SPECC1L: variants seen among roughly 807,000 people sequenced by gnomAD.
SPECC1L encodes the protein cytospin-A.
Under a neutral mutation model 116.8 loss-of-function variants are expected in SPECC1L, and 40 were observed. The ratio of observed to expected loss-of-function variants is 0.34; its 90% CI spans 0.27 to 0.45. The LOEUF (loss-of-function observed/expected upper bound fraction) is 0.45. Among genes scored for constraint, SPECC1L ranks in the 20% least tolerant of loss-of-function variants. The pLI is 1.00. For synonymous variants in SPECC1L, 504 were observed against 500.6 expected (o/e 1.01, Z -0.09); for missense variants, 1,110 against 1,373.6 (o/e 0.81, Z 3.03).
At chr22:24,353,990 C>T (rs190497187) in intron 11 of SPECC1L, among the ~76,000 whole-genome samples, 9 of 152,292 alleles carry the variant, frequency 5.9e-5, no homozygotes, top group African/African-American at 1.7e-4. Flanking sequence ...TGCCAGCATC[C>T]GCTCAGCTTC....
intron 3 of SPECC1L, among the ~76,000 whole-genome samples, chr22:24,311,595 A>T (rs2040461209): frequency 6.6e-6 from 1 of 152,146 alleles, no homozygotes; most frequent in South Asian, 2.1e-4. Flanking sequence ...ACTTGATGCC[A>T]GGAGTTCGAG....
chr22:24,328,645 C>T (rs1489414031), intron 6 of SPECC1L, among the ~76,000 whole-genome samples: 1 of 152,122 alleles, frequency 6.6e-6, no homozygotes, highest in African/African-American at 2.4e-5. Flanking sequence ...TGATTTTTAA[C>T]TTGATATTTT....
chr22:24,276,796 C>T lies in SPECC1L; in HGVS notation c.-45C>T, dbSNP rs2048846354. The stretch of plus-strand genomic sequence containing the variant: ...CCGATGGGGCTACTTTATTCCAGAA[C>T]AATCACAGTGAGACCTTTTCTCCCA... On this transcript the variant is annotated 5_prime_UTR_variant, in exon 2 of 17. Coordinates refer to ENST00000314328, the MANE Select transcript of SPECC1L (RefSeq NM_015330.6). 2.2e-6 allele frequency: 1 copy of T among 453,454 alleles called. No individual in the cohort carries two copies. Among genetic ancestry groups the T allele is most frequent in the African/African-American group, 2.0e-5 (1 of 49,946 alleles). The allele number at this position is 453,454 out of a possible 1,614,324, so 28.1% of individuals were successfully genotyped here.
chr22:24,307,289 C>T (rs182592263), intron 3 of SPECC1L, among the ~76,000 whole-genome samples: 1 of 152,204 alleles, frequency 6.6e-6, no homozygotes. Flanking sequence ...AATTTTTTCG[C>T]GTCCTCTGCA....
chr22:24,273,356 C>G (rs2048767221), intron 1 of SPECC1L, among the ~76,000 whole-genome samples: 1 of 152,022 alleles, frequency 6.6e-6, no homozygotes, highest in Admixed American at 6.6e-5. Flanking sequence ...TATTGGGAGT[C>G]TTTTATACAA....
intron 14 of SPECC1L, among the ~76,000 whole-genome samples, chr22:24,405,408 C>T (rs951764876): frequency 6.6e-5 from 10 of 151,746 alleles, no homozygotes; most frequent in African/African-American, 1.9e-4. Flanking sequence ...GCGGCCACGT[C>T]CCCAGGAGCA....
intron 2 of SPECC1L, among the ~76,000 whole-genome samples, chr22:24,296,425 A>G (rs556762079): frequency 6.1e-5 from 9 of 146,640 alleles, no homozygotes; most frequent in Non-Finnish European, 1.1e-4. Context: ...TTCATGGACT[A>G]TTGTTTCAGA....
intron 6 of SPECC1L, among the ~76,000 whole-genome samples, chr22:24,326,926 A>G (rs1373987848): frequency 1.3e-5 from 2 of 152,166 alleles, no homozygotes; most frequent in Non-Finnish European, 2.9e-5. Flanking sequence ...TATTCCACAT[A>G]TAATTGTTGT....
chr22:24,286,927 A>C (rs1386840807), intron 2 of SPECC1L, among the ~76,000 whole-genome samples: 2 of 152,226 alleles, frequency 1.3e-5, no homozygotes, highest in Non-Finnish European at 2.9e-5. Flanking sequence ...GAAAATTAAA[A>C]ATAAGTAAAT....
Position 24,322,443 on chromosome 22 carries a change from A to G in SPECC1L, c.1463A>G (p.Tyr488Cys). The G allele has an allele frequency of 2.5e-6, 4 of 1,614,234 alleles. No individual in the cohort carries two copies. The highest frequency in any genetic ancestry group is 3.4e-6 in the Non-Finnish European group (4 of 1,180,044). Reference sequence around the variant, plus strand: ...GATGAAGATGTAAAAAGTGGGCGCTATATGGAATTAGAGCAACGTTACATG... The same window carrying G: ...GATGAAGATGTAAAAAGTGGGCGCTGTATGGAATTAGAGCAACGTTACATG... ...VIDEDVKSGR[Y>C]MELEQRYMDL... Residue 488 changes from tyrosine (Y) to cysteine (C), a missense_variant, in exon 5 of 17, where the codon TAT becomes TGT. This residue lies in a region of SPECC1L where 575 missense variants were observed against 682.4 expected (regional missense o/e 0.84). Transcript: ENST00000314328.
chr22:24,345,839 A>G (rs2041280598), intron 10 of SPECC1L, among the ~76,000 whole-genome samples: 1 of 152,200 alleles, frequency 6.6e-6, no homozygotes, highest in African/African-American at 2.4e-5. Context: ...AGTTAGCCAG[A>G]TAAAAAGGGC....
chr22:24,301,758 T>C (rs955902472), intron 2 of SPECC1L, among the ~76,000 whole-genome samples: 3 of 152,052 alleles, frequency 2.0e-5, no homozygotes, highest in Non-Finnish European at 4.4e-5. Flanking sequence ...TATTATAATA[T>C]ATATCAGAGC....
chr22:24,356,362 A>T (rs2041533562), intron 11 of SPECC1L, among the ~76,000 whole-genome samples: 1 of 152,170 alleles, frequency 6.6e-6, no homozygotes, highest in Admixed American at 6.5e-5. Context: ...TGGTAGATGC[A>T]TACCCATTTG....
intron 5 of SPECC1L, among the ~76,000 whole-genome samples, chr22:24,323,747 A>T (rs770647751): frequency 1.1e-4 from 17 of 152,130 alleles, no homozygotes; most frequent in Non-Finnish European, 2.4e-4. Context: ...AGTTTAGGAG[A>T]TTTGTATTAG....
chr22:24,297,753 T>C (rs1018440389), intron 2 of SPECC1L, among the ~76,000 whole-genome samples: 3 of 152,240 alleles, frequency 2.0e-5, no homozygotes, highest in Admixed American at 2.0e-4. Flanking sequence ...TGAAATCTTG[T>C]GCGGTCTCAT....
intron 2 of SPECC1L, among the ~76,000 whole-genome samples, chr22:24,299,811 C>T (rs1279060226): frequency 1.3e-5 from 2 of 151,976 alleles, no homozygotes; most frequent in Admixed American, 1.3e-4. Context: ...TATTGTGCAA[C>T]TATCACCGTG....
chr22:24,303,414 T>G, intron 3 of SPECC1L, among the ~76,000 whole-genome samples: 1 of 152,198 alleles, frequency 6.6e-6, no homozygotes, highest in East Asian at 1.9e-4. Flanking sequence ...TTCCATTGTC[T>G]CAGTGAACAC....
chr22:24,311,316 A>C (rs2040456191), intron 3 of SPECC1L, among the ~76,000 whole-genome samples: 1 of 152,228 alleles, frequency 6.6e-6, no homozygotes, highest in Non-Finnish European at 1.5e-5. Context: ...AAGAAAGATT[A>C]GTTCAAAGAT....
rs561311051 is a variant in SPECC1L, at chr22:24,388,548, G to A, written c.3087+19228G>A. ...GTGAATAGTGCCGCAATAAACATAC[G>A]TGTGCATGTGTCTTTATAGCAGCAT... is the stretch of plus-strand genomic sequence containing the variant. On this transcript the variant is annotated intron_variant, in intron 14 of 16. Coordinates refer to ENST00000314328, the MANE Select transcript of SPECC1L (RefSeq NM_015330.6). Among the ~76,000 whole-genome samples, 388 of 151,730 alleles carry A rather than the reference G, an allele frequency of 2.6e-3. 3 individuals carry two copies. Among genetic ancestry groups the A allele is most frequent in the African/African-American group, 8.9e-3 (369 of 41,374 alleles).
Sources: allele counts gnomAD v4.1 joint callset (sites outside exome capture counted in the v4.1 genomes callset), GRCh38; gene constraint gnomAD v4.1.1; regional missense constraint gnomAD v4.1.1; transcripts MANE v1.5; gene names NCBI Gene and HGNC (gene_info 2026-07-23, HGNC 2026-07-21).